NOS1AP: variants seen among roughly 807,000 people sequenced by gnomAD.
NOS1AP encodes carboxyl-terminal PDZ ligand of neuronal nitric oxide synthase protein.
In NOS1AP, 21 loss-of-function variants were observed where a neutral mutation model predicts 56.2. The ratio of observed to expected loss-of-function variants is 0.37; its 90% confidence interval spans 0.26 to 0.54. The LOEUF (loss-of-function observed/expected upper bound fraction) is 0.54, where lower values mean the gene tolerates loss of function less well. NOS1AP is among the 20% of genes least tolerant of loss of function. The pLI is 0.84. For synonymous variants in NOS1AP, 270 were observed against 274.6 expected, an observed-to-expected ratio of 0.98 and a Z score of 0.17; for missense variants, 522 against 657.8, an observed-to-expected ratio of 0.79 and a Z score of 2.26.
chr1:162,148,132 TGG>T (rs1649559391), intron 1 of NOS1AP, among the ~76,000 whole-genome samples: 2 of 152,118 alleles, frequency 1.3e-5, no homozygotes, highest in Non-Finnish European at 2.9e-5. Flanking sequence ...CAGAGTGTAA[TGG>T]AGGGCTGGAA....
At chr1:162,147,363 A>C (rs1649518113) in intron 1 of NOS1AP, among the ~76,000 whole-genome samples, 1 of 150,834 alleles carries the variant, frequency 6.6e-6, no homozygotes, top group Non-Finnish European at 1.5e-5. Flanking sequence ...AGATAAATAC[A>C]TTTTTCCCTT....
chr1:162,283,091 CCT>C (rs71712965), intron 2 of NOS1AP, among the ~76,000 whole-genome samples: 45,140 of 149,678 alleles, frequency 0.3, 7,043 homozygotes, highest in East Asian at 0.6. Context: ...GCTCGCTCTC[CCT>C]CTCTCTCTCT....
In NOS1AP at chr1:162,099,754, G is replaced by T. The variant is rs556759187; in HGVS notation, c.105+29472G>T. ...CCATTAACTCATCATTTAGCATTAG[G>T]TATATCTCCTAATGCTATCCCTCCC... On this transcript the variant is annotated intron_variant, in intron 1 of 9. Transcript: ENST00000361897. Among the ~76,000 whole-genome samples, 65 of 152,026 alleles carry T rather than the reference G, an allele frequency of 4.3e-4. No homozygotes were observed. The South Asian group carries it at 0.013, about 31-fold the overall frequency.
At position 162,093,204 on chromosome 1, in the gene NOS1AP, G is replaced by T. The variant is rs146163474; in HGVS notation, c.105+22922G>T. Among the ~76,000 whole-genome samples, 934 of 152,288 alleles carry T rather than the reference G, an allele frequency of 6.1e-3. 2 individuals carry two copies. Among genetic ancestry groups the T allele is most frequent in the Non-Finnish European group, 9.7e-3 (659 of 68,030 alleles). On this transcript the variant is annotated intron_variant, in intron 1 of 9. Transcript: ENST00000361897. ...AAATATCTCCCCTATCTGAGCAGGG[G>T]ATAAGTAGGAATGTGTTAAAATAAG...
At chr1:162,094,963 C>G (rs1230608650) in intron 1 of NOS1AP, among the ~76,000 whole-genome samples, 2 of 152,166 alleles carry the variant, frequency 1.3e-5, no homozygotes, top group South Asian at 4.2e-4. Flanking sequence ...ACGGGTGGAG[C>G]AGCTGGCTTT....
intron 4 of NOS1AP, among the ~76,000 whole-genome samples, chr1:162,322,592 G>C (rs1162440264): frequency 1.3e-5 from 2 of 152,190 alleles, no homozygotes; most frequent in Non-Finnish European, 2.9e-5. Context: ...CTTATGATGT[G>C]TATCATATCC....
intron 1 of NOS1AP, among the ~76,000 whole-genome samples, chr1:162,114,239 G>A (rs1245766967): frequency 8.6e-5 from 13 of 152,000 alleles, no homozygotes; most frequent in East Asian, 5.8e-4. Context: ...AACCAAAGAC[G>A]AATAGGGGAT....
intron 2 of NOS1AP, among the ~76,000 whole-genome samples, chr1:162,195,815 C>A (rs1651787115): frequency 6.6e-6 from 1 of 152,146 alleles, no homozygotes; most frequent in Non-Finnish European, 1.5e-5. Context: ...TCATGTATAG[C>A]CCGTAAGTCC....
chr1:162,132,311 C>A (rs1347390935), intron 1 of NOS1AP, among the ~76,000 whole-genome samples: 1 of 152,188 alleles, frequency 6.6e-6, no homozygotes, highest in African/African-American at 2.4e-5. Flanking sequence ...TATGCCTCCC[C>A]AGGCAAGAGA....
At chr1:162,246,893 A>G (rs1335235836) in intron 2 of NOS1AP, among the ~76,000 whole-genome samples, 1 of 152,180 alleles carries the variant, frequency 6.6e-6, no homozygotes, top group African/African-American at 2.4e-5. Context: ...TTGAGAAGAA[A>G]TAAAATCCAT....
intron 1 of NOS1AP, among the ~76,000 whole-genome samples, chr1:162,087,800 A>G (rs1402148248): frequency 6.6e-6 from 1 of 152,168 alleles, no homozygotes; most frequent in Non-Finnish European, 1.5e-5. Flanking sequence ...AGCATTCCAC[A>G]TGCTCCTGGA....
chr1:162,070,155 G>A lies in NOS1AP; in HGVS notation c.-23G>A. ...CTTCCTGCAGCCGCCGCCTCCGAAGGAGCGGGTCCGCCGCGGGTAACCATG... is the reference window on the plus strand; with the variant it reads ...CTTCCTGCAGCCGCCGCCTCCGAAGAAGCGGGTCCGCCGCGGGTAACCATG... On this transcript the variant is annotated 5_prime_UTR_variant, in exon 1 of 10. Transcript: ENST00000361897. 6.2e-7 allele frequency: 1 copy of A among 1,603,332 alleles called. No individual in the cohort carries two copies. Among genetic ancestry groups the A allele is most frequent in the Non-Finnish European group, 8.5e-7 (1 of 1,170,538 alleles).
chr1:162,187,124 C>T (rs1651462715), intron 2 of NOS1AP, among the ~76,000 whole-genome samples: 1 of 151,966 alleles, frequency 6.6e-6, no homozygotes, highest in South Asian at 2.1e-4. Context: ...CACCATCACA[C>T]CTGGCTAATT....
intron 2 of NOS1AP, among the ~76,000 whole-genome samples, chr1:162,240,558 C>G (rs1157259276): frequency 1.3e-5 from 2 of 152,196 alleles, no homozygotes; most frequent in Admixed American, 6.5e-5. Context: ...GAGCCTGAAT[C>G]ACACTGTCTA....
At chr1:162,240,536 G>A (rs1305418561) in intron 2 of NOS1AP, among the ~76,000 whole-genome samples, 1 of 152,216 alleles carries the variant, frequency 6.6e-6, no homozygotes, top group East Asian at 1.9e-4. Context: ...AGCACAGCAT[G>A]CTTTCTAGCG....
At chr1:162,142,145 C>T (rs1649262501) in intron 1 of NOS1AP, among the ~76,000 whole-genome samples, 1 of 152,122 alleles carries the variant, frequency 6.6e-6, no homozygotes, top group Admixed American at 6.5e-5. Flanking sequence ...ATAAGTGGAA[C>T]CAGGTATAAC....
rs1653798028 is a variant in NOS1AP, at chr1:162,250,015, A to G, written c.178-37329A>G. Among the ~76,000 whole-genome samples the G allele has an allele frequency of 2.0e-5, 3 of 152,222 alleles. No individual in the cohort carries two copies. The South Asian group carries it at 6.2e-4, about 32-fold the overall frequency. ...TAGTCCAGCCCTGGAATGTGAACCC[A>G]GGAATGGAGCAGTCAAATCCCATGC... is the stretch of plus-strand genomic sequence containing the variant. On this transcript the variant is annotated intron_variant, in intron 2 of 9. Transcript: ENST00000361897.
intron 2 of NOS1AP, among the ~76,000 whole-genome samples, chr1:162,203,014 C>T (rs1411250624): frequency 5.9e-5 from 9 of 151,984 alleles, no homozygotes; most frequent in East Asian, 3.9e-4. Context: ...TGTGTGTCGG[C>T]GGGAGGGGTG....
intron 1 of NOS1AP, among the ~76,000 whole-genome samples, chr1:162,071,878 G>T (rs762261868): frequency 1.3e-5 from 2 of 152,118 alleles, no homozygotes; most frequent in African/African-American, 4.8e-5. Context: ...CAAGTAAGAG[G>T]GTAAGAAGGG....
Sources: gnomAD v4.1 joint callset for allele counts (sites outside exome capture counted in the v4.1 genomes callset) on GRCh38, gnomAD v4.1.1 for gene constraint, MANE v1.5 for transcripts, NCBI Gene and HGNC (gene_info 2026-07-23, HGNC 2026-07-21) for gene names.